COL28A1: variants seen among roughly 807,000 people sequenced by gnomAD.
COL28A1 encodes the protein collagen type XXVIII alpha 1 chain, also known as collagen alpha-1(XXVIII) chain.
Under a neutral mutation model 150.2 loss-of-function variants are expected in COL28A1, and 161 were observed. The observed-to-expected ratio is 1.07, with a 90% CI of 0.94 to 1.22. The LOEUF is 1.22. COL28A1 is among the 50% of genes most tolerant of loss of function. COL28A1 has a pLI of 0.00. For synonymous variants in COL28A1, 552 were observed against 469.7 expected (o/e 1.18, Z -2.26); for missense variants, 1,617 against 1,388.3 (o/e 1.16, Z -2.62).
chr7:7,505,887 G>A lies in COL28A1; in HGVS notation c.1026+127C>T, dbSNP rs908973182. 3.6e-5 allele frequency: 25 copies of A among 692,180 alleles called. No individual in the cohort carries two copies. The East Asian group carries it at 6.3e-4, about 17-fold the overall frequency. The allele number at this position is 692,180 out of a possible 1,614,324, so 42.9% of individuals were successfully genotyped here. ...ACTTAATTCTCTGTATACATCTGCAGGTTATTATGCATTTCCAAAGGTACT... is the reference window on the plus strand; with the variant it reads ...ACTTAATTCTCTGTATACATCTGCAAGTTATTATGCATTTCCAAAGGTACT... On this transcript the variant is annotated intron_variant, in intron 11 of 34. Coordinates refer to ENST00000399429, the MANE Select transcript of COL28A1 (RefSeq NM_001037763.3).
At chr7:7,409,073 T>C (rs1376183938) in intron 27 of COL28A1, among the ~76,000 whole-genome samples, 1 of 152,114 alleles carries the variant, frequency 6.6e-6, no homozygotes, top group Non-Finnish European at 1.5e-5. Flanking sequence ...AATAAAATAA[T>C]ACATCATATT....
Position 7,477,196 on chromosome 7 carries a change from GA to G in COL28A1, c.1165-17del. The G allele has an allele frequency of 1.0e-6, 1 of 975,532 alleles. No individual in the cohort carries two copies. The highest frequency in any genetic ancestry group is 1.7e-6 in the Non-Finnish European group (1 of 596,006). 60.4% of individuals were successfully genotyped at this position (975,532 alleles called of 1,614,324 possible). A position where few individuals can be genotyped will look rare whatever the true frequency, so the allele number is the denominator to read the frequency against. ...CACGGGGACCCTGGTTAGGATAGGA[GA>G]AAATGAGGAGCAGGAGGAGAGAGAA... On this transcript the variant is annotated splice_polypyrimidine_tract_variant and intron_variant, in intron 13 of 34. Coordinates refer to ENST00000399429, the MANE Select transcript of COL28A1 (RefSeq NM_001037763.3).
intron 25 of COL28A1, among the ~76,000 whole-genome samples, chr7:7,427,132 A>G (rs772963895): frequency 6.6e-6 from 1 of 152,232 alleles, no homozygotes; most frequent in Non-Finnish European, 1.5e-5. Flanking sequence ...AGCAATATTC[A>G]AAGTCATGAG....
intron 11 of COL28A1, among the ~76,000 whole-genome samples, chr7:7,492,209 T>A (rs1779951075): frequency 6.6e-6 from 1 of 152,084 alleles, no homozygotes; most frequent in East Asian, 1.9e-4. Context: ...CCCCAGAAGC[T>A]TGTGATTTTG....
chr7:7,384,606 G>C (rs1027585034), intron 27 of COL28A1, among the ~76,000 whole-genome samples: 1 of 152,080 alleles, frequency 6.6e-6, no homozygotes, highest in African/African-American at 2.4e-5. Context: ...TTATAGGTAT[G>C]TGTATATAGA....
chr7:7,444,928 C>T (rs750176548), intron 18 of COL28A1, among the ~76,000 whole-genome samples: 31 of 152,018 alleles, frequency 2.0e-4, no homozygotes, highest in Non-Finnish European at 4.0e-4. Flanking sequence ...GGGGGTGGAC[C>T]TCCCCCTTGC....
At chr7:7,392,569 T>C (rs146410876) in intron 27 of COL28A1, among the ~76,000 whole-genome samples, 11,603 of 152,208 alleles carry the variant, frequency 0.076, 527 homozygotes, top group Middle Eastern at 0.15. Flanking sequence ...TAAAGAGTAT[T>C]TTCCAACTTG....
intron 27 of COL28A1, among the ~76,000 whole-genome samples, chr7:7,412,578 T>C (rs1402374644): frequency 1.3e-5 from 2 of 152,128 alleles, no homozygotes; most frequent in East Asian, 3.8e-4. Context: ...ACATTTTCCA[T>C]ATATATAACC....
intron 33 of COL28A1, among the ~76,000 whole-genome samples, chr7:7,362,529 G>T (rs1780723638): frequency 6.6e-6 from 1 of 152,062 alleles, no homozygotes; most frequent in Admixed American, 6.6e-5. Context: ...ACACACACAA[G>T]AGGGAAAAAG....
chr7:7,418,343 G>C (rs1311010172), intron 26 of COL28A1, among the ~76,000 whole-genome samples: 1 of 152,130 alleles, frequency 6.6e-6, no homozygotes, highest in Non-Finnish European at 1.5e-5. Flanking sequence ...GATTTCACTG[G>C]GGTTGCACTT....
At chr7:7,477,799 T>C (rs939649000) in intron 13 of COL28A1, among the ~76,000 whole-genome samples, 2 of 152,202 alleles carry the variant, frequency 1.3e-5, no homozygotes, top group Non-Finnish European at 1.5e-5. Flanking sequence ...TTGCCTCTGC[T>C]GGCTAGGGCA....
chr7:7,453,769 G>A (rs1014582900), intron 16 of COL28A1, among the ~76,000 whole-genome samples: 1 of 149,272 alleles, frequency 6.7e-6, no homozygotes, highest in South Asian at 2.1e-4. Context: ...GCGTGGCCAT[G>A]TGGGCTAGAT....
intron 27 of COL28A1, among the ~76,000 whole-genome samples, chr7:7,388,692 C>A (rs958098987): frequency 2.6e-5 from 4 of 152,084 alleles, no homozygotes; most frequent in East Asian, 1.9e-4. Flanking sequence ...TTTTAATGAT[C>A]GCCATTCTAA....
rs75971063 is a variant in COL28A1 at position 7,368,234 on chromosome 7, C to G, written c.3066+2491G>C. Among the ~76,000 whole-genome samples the G allele has an allele frequency of 1.0e-2, 1,517 of 152,192 alleles. 34 individuals are homozygous for G. Among genetic ancestry groups the G allele is most frequent in the African/African-American group, 0.035 (1,454 of 41,492 alleles). ...CTATAGATGAAGTTCAAGCTCCTTG[C>G]CTTAATACATTAAGACATTTATAAT... On this transcript the variant is annotated intron_variant, in intron 33 of 34. Coordinates refer to ENST00000399429, the MANE Select transcript of COL28A1 (RefSeq NM_001037763.3).
intron 34 of COL28A1, among the ~76,000 whole-genome samples, chr7:7,359,092 T>G (rs1327071647): frequency 1.3e-5 from 2 of 152,172 alleles, no homozygotes; most frequent in South Asian, 2.1e-4. Flanking sequence ...TAAGTGAGAC[T>G]TCATTGGCTA....
At chr7:7,420,053 A>T in intron 25 of COL28A1, 100 bp from the exon 26 acceptor site, 2 of 681,292 alleles carry the variant, frequency 2.9e-6, no homozygotes, top group Non-Finnish European at 4.5e-6. Context: ...GAATGTGACT[A>T]AGGTATTAAT....
chr7:7,444,825 G>C (rs1036619861), intron 18 of COL28A1, among the ~76,000 whole-genome samples: 4 of 152,120 alleles, frequency 2.6e-5, no homozygotes, highest in Non-Finnish European at 4.4e-5. Flanking sequence ...TATAAAAGGT[G>C]ATATAATTTG....
chr7:7,446,069 G>T (rs1786239138), intron 18 of COL28A1, among the ~76,000 whole-genome samples: 1 of 152,014 alleles, frequency 6.6e-6, no homozygotes, highest in Non-Finnish European at 1.5e-5. Context: ...TGTTGGTCAG[G>T]CTGTTCTTGA....
intron 9 of COL28A1, among the ~76,000 whole-genome samples, chr7:7,510,120 T>A (rs918640277): frequency 3.9e-5 from 6 of 152,200 alleles, no homozygotes; most frequent in Admixed American, 3.9e-4. Context: ...GGTGGCATGA[T>A]GTTAATAGTT....
Sources: allele counts gnomAD v4.1 joint callset (sites outside exome capture counted in the v4.1 genomes callset), GRCh38; gene constraint gnomAD v4.1.1; transcripts MANE v1.5; gene names NCBI Gene and HGNC (gene_info 2026-07-23, HGNC 2026-07-21).